The following ADCY1 variants were observed in gnomAD, a reference collection of about 807,000 sequenced individuals.
ADCY1 encodes the protein adenylate cyclase 1.
ADCY1 carries 28 observed loss-of-function variants against 105.4 expected under a neutral mutation model. That is an observed-to-expected ratio of 0.27 (90% confidence interval 0.20 to 0.36). The LOEUF is 0.36. Among genes scored for constraint, ADCY1 ranks in the 10% least tolerant of loss-of-function variants. The pLI, the probability that ADCY1 is intolerant of heterozygous loss-of-function variation, is 1.00. For missense variants in ADCY1, 977 were observed against 1,434.2 expected, an observed-to-expected ratio of 0.68 and a Z score of 5.15; for synonymous variants, 655 against 623.8, an observed-to-expected ratio of 1.05 and a Z score of -0.75.
intron 2 of ADCY1, among the ~76,000 whole-genome samples, chr7:45,593,651 C>T (rs1325723220): frequency 6.6e-6 from 1 of 152,236 alleles, no homozygotes; most frequent in African/African-American, 2.4e-5. Context: ...GATTCTTCCC[C>T]TAGCCTTGGG....
At chr7:45,682,737 G>T (rs1784585579) in intron 11 of ADCY1, among the ~76,000 whole-genome samples, 1 of 152,200 alleles carries the variant, frequency 6.6e-6, no homozygotes, top group Admixed American at 6.5e-5. Context: ...GCTGGCTAGG[G>T]TAGAGGCCGC....
chr7:45,678,825 G>T (rs929009581), intron 10 of ADCY1, among the ~76,000 whole-genome samples: 3 of 151,790 alleles, frequency 2.0e-5, no homozygotes, highest in Non-Finnish European at 4.4e-5. Flanking sequence ...AGTCTAAGCT[G>T]CAGTGAGCTA....
intron 14 of ADCY1, among the ~76,000 whole-genome samples, chr7:45,694,507 G>GA (rs1027150603): frequency 2.0e-5 from 3 of 152,130 alleles, no homozygotes; most frequent in Non-Finnish European, 2.9e-5. Flanking sequence ...ACCTGTATTA[G>GA]AAAAGAAGAA....
rs749242663 is a variant in ADCY1, at chr7:45,710,689, C to A, written c.3057+37C>A. ...AAGAAACCCCTAAGGCATGGGTGCCCATTCTTCAGGTGAGGAAACTGAGGC... is the reference window on the plus strand; with the variant it reads ...AAGAAACCCCTAAGGCATGGGTGCCAATTCTTCAGGTGAGGAAACTGAGGC... On this transcript the variant is annotated intron_variant, in intron 19 of 19. Transcript: ENST00000297323. This position sits in a 1 kb window ranked among gnomAD's most constrained non-coding sequence, Gnocchi z 4.7. 6.3e-7 allele frequency: 1 copy of A among 1,587,892 alleles called. No homozygotes were observed. Among genetic ancestry groups the A allele is most frequent in the African/African-American group, 1.3e-5 (1 of 74,090 alleles).
At chr7:45,655,708 C>G (rs1300975455) in intron 5 of ADCY1, among the ~76,000 whole-genome samples, 2 of 152,012 alleles carry the variant, frequency 1.3e-5, no homozygotes, top group East Asian at 3.8e-4. Flanking sequence ...GGAGGCTGGT[C>G]GAGGTGCCAC....
At chr7:45,669,804 C>T (rs956221901) in intron 8 of ADCY1, among the ~76,000 whole-genome samples, 2 of 152,086 alleles carry the variant, frequency 1.3e-5, no homozygotes, top group Admixed American at 1.3e-4. Flanking sequence ...AACTGATTGC[C>T]ATAATGTTTT....
At chr7:45,661,665 C>T (rs1286215837) in intron 7 of ADCY1, among the ~76,000 whole-genome samples, 1 of 152,146 alleles carries the variant, frequency 6.6e-6, no homozygotes, top group Non-Finnish European at 1.5e-5. Context: ...TCCCCATCCT[C>T]CCCATGCGAT....
chr7:45,601,821 C>A (rs1793247475), intron 2 of ADCY1, among the ~76,000 whole-genome samples: 1 of 152,064 alleles, frequency 6.6e-6, no homozygotes, highest in Non-Finnish European at 1.5e-5. Context: ...CCAGACATGT[C>A]CAGCCTGGAG....
chr7:45,583,937 G>GTTTTTTTTTTTTTTTTTTTT (rs869216986), intron 1 of ADCY1, among the ~76,000 whole-genome samples: 2 of 56,900 alleles, frequency 3.5e-5, no homozygotes, highest in East Asian at 7.2e-4. Flanking sequence ...ACTGTGCCCT[G>GTTTTTTTTTTTTTTTTTTTT]TTTTTTTTTT....
rs1367207625 is a variant in ADCY1, at chr7:45,716,385, G to A, written c.*2390G>A. The A allele has an allele frequency of 6.6e-6, 1 of 152,586 alleles. No homozygotes were observed. Among genetic ancestry groups the A allele is most frequent in the Non-Finnish European group, 1.5e-5 (1 of 68,330 alleles). The allele number at this position is 152,586 out of a possible 1,614,324, so 9.5% of individuals were successfully genotyped here. ...GTGCTTTCCTCTCTTCAGGACAAATGGTTTGTCCTTATGGTCCCCTTTCCA... is the reference window on the plus strand; with the variant it reads ...GTGCTTTCCTCTCTTCAGGACAAATAGTTTGTCCTTATGGTCCCCTTTCCA... On this transcript the variant is annotated 3_prime_UTR_variant, in exon 20 of 20. Coordinates refer to ENST00000297323, the MANE Select transcript of ADCY1 (RefSeq NM_021116.4).
chr7:45,696,667 C>T (rs1467263609), intron 14 of ADCY1, among the ~76,000 whole-genome samples: 1 of 152,120 alleles, frequency 6.6e-6, no homozygotes, highest in Non-Finnish European at 1.5e-5. Flanking sequence ...CAGAGTGCTC[C>T]CCCGTAGGAT....
At chr7:45,709,027 A>G (rs1231674779) in intron 18 of ADCY1, among the ~76,000 whole-genome samples, 1 of 152,158 alleles carries the variant, frequency 6.6e-6, no homozygotes, top group African/African-American at 2.4e-5. Flanking sequence ...TACCAGAAAT[A>G]AATTCTACTA....
rs543971285 is a variant in ADCY1, at chr7:45,593,228, C to G, written c.789+320C>G. On this transcript the variant is annotated intron_variant, in intron 2 of 19. Coordinates refer to ENST00000297323, the MANE Select transcript of ADCY1 (RefSeq NM_021116.4). ...GACGAGGCAGGTCCTGGCTGGGCCT[C>G]GGATGAATGTGACCGTGCAGGTGGC... Among the ~76,000 whole-genome samples, 197 of 152,304 alleles carry G rather than the reference C, an allele frequency of 1.3e-3. 1 individual carries two copies. The highest frequency in any genetic ancestry group is 4.6e-3 in the African/African-American group (192 of 41,570).
At chr7:45,631,727 G>A (rs1794263966) in intron 4 of ADCY1, among the ~76,000 whole-genome samples, 1 of 152,184 alleles carries the variant, frequency 6.6e-6, no homozygotes, top group East Asian at 1.9e-4. Context: ...AATACACATT[G>A]TCCTAAGGAA....
intron 14 of ADCY1, among the ~76,000 whole-genome samples, chr7:45,688,448 G>A (rs542584633): frequency 3.3e-5 from 5 of 152,178 alleles, no homozygotes; most frequent in Non-Finnish European, 5.9e-5. Flanking sequence ...GTGAAGGGTA[G>A]GTGTGAGGAG....
rs1034488706 is a variant in ADCY1, at chr7:45,710,968, C to T, written c.3057+316C>T. The stretch of plus-strand genomic sequence containing the variant: ...ATTCACTCTGCACATCCCAGGACTC[C>T]GGACTCCACCAGCTGCCATAGGAAG... On this transcript the variant is annotated intron_variant, in intron 19 of 19. Transcript: ENST00000297323. This position sits in a 1 kb window ranked among gnomAD's most constrained non-coding sequence, Gnocchi z 4.7. Among the ~76,000 whole-genome samples the T allele has an allele frequency of 3.9e-5, 6 of 152,108 alleles. No individual in the cohort carries two copies. Among genetic ancestry groups the T allele is most frequent in the Admixed American group, 1.3e-4 (2 of 15,272 alleles).
At chr7:45,685,829 G>C in intron 12 of ADCY1, 133 bp from the exon 13 acceptor site, 1 of 1,135,342 alleles carries the variant, frequency 8.8e-7, no homozygotes, top group Non-Finnish European at 1.2e-6. Context: ...TCTGTGGCTT[G>C]GTGTGATAGC....
chr7:45,669,726 A>G (rs543565478), intron 8 of ADCY1, among the ~76,000 whole-genome samples: 10 of 152,314 alleles, frequency 6.6e-5, no homozygotes, highest in African/African-American at 1.9e-4. Context: ...TTTAAAATAT[A>G]ACTTCTACCA....
intron 4 of ADCY1, among the ~76,000 whole-genome samples, chr7:45,645,475 C>T (rs1794636038): frequency 6.6e-6 from 1 of 152,142 alleles, no homozygotes; most frequent in African/African-American, 2.4e-5. Flanking sequence ...TGACAGGCCC[C>T]ACCTTTGCCT....
Sources: gnomAD v4.1 joint callset for allele counts (sites outside exome capture counted in the v4.1 genomes callset) on GRCh38, gnomAD v4.1.1 for gene constraint, Gnocchi (gnomAD v3.1) non-coding constraint, MANE v1.5 for transcripts, NCBI Gene and HGNC (gene_info 2026-07-23, HGNC 2026-07-21) for gene names.